FBXL7: variants seen among roughly 807,000 people sequenced by gnomAD.
FBXL7 encodes the protein F-box and leucine rich repeat protein 7.
A neutral mutation model predicts 38.3 loss-of-function variants in FBXL7; 12 were observed. That is an observed-to-expected ratio of 0.31 (90% confidence interval 0.20 to 0.51). The LOEUF (loss-of-function observed/expected upper bound fraction) is 0.51. FBXL7 is among the 20% of genes least tolerant of loss of function. The pLI, the probability that FBXL7 is intolerant of heterozygous loss-of-function variation, is 0.98. For synonymous variants in FBXL7, 297 were observed against 300.9 expected, an observed-to-expected ratio of 0.99 and a Z score of 0.13; for missense variants, 567 against 676.4, an observed-to-expected ratio of 0.84 and a Z score of 1.79.
At chr5:15,856,257 A>C (rs1351905513) in intron 2 of FBXL7, among the ~76,000 whole-genome samples, 1 of 152,092 alleles carries the variant, frequency 6.6e-6, no homozygotes, top group Non-Finnish European at 1.5e-5. Context: ...TATCATGGGG[A>C]AACCGACCCC....
intron 1 of FBXL7, among the ~76,000 whole-genome samples, chr5:15,575,171 T>G (rs1426572498): frequency 6.6e-6 from 1 of 152,178 alleles, no homozygotes; most frequent in Non-Finnish European, 1.5e-5. Context: ...TGGGAGTCCC[T>G]GGATCAGAAA....
At chr5:15,556,520 G>A (rs562433618) in intron 1 of FBXL7, among the ~76,000 whole-genome samples, 7 of 152,146 alleles carry the variant, frequency 4.6e-5, no homozygotes, top group Non-Finnish European at 1.0e-4. Flanking sequence ...TGGGCGTCCC[G>A]TGGTCCAGTC....
chr5:15,929,517 CAG>C (rs992062746), intron 3 of FBXL7, among the ~76,000 whole-genome samples: 2 of 151,170 alleles, frequency 1.3e-5, no homozygotes, highest in African/African-American at 4.9e-5. Flanking sequence ...CTATTCTACT[CAG>C]AGGCTGAGGC....
At chr5:15,594,843 T>C (rs1273812088) in intron 1 of FBXL7, among the ~76,000 whole-genome samples, 1 of 152,242 alleles carries the variant, frequency 6.6e-6, no homozygotes, top group Admixed American at 6.5e-5. Flanking sequence ...AGAAACGCTG[T>C]CTTCTCTCTG....
intron 1 of FBXL7, among the ~76,000 whole-genome samples, chr5:15,558,460 G>C (rs553564745): frequency 6.6e-6 from 1 of 152,316 alleles, no homozygotes; most frequent in Admixed American, 6.5e-5. Flanking sequence ...TGGGCCAAGG[G>C]GAGCCAGCCA....
At chr5:15,721,351 G>A (rs1279223521) in intron 2 of FBXL7, among the ~76,000 whole-genome samples, 1 of 152,036 alleles carries the variant, frequency 6.6e-6, no homozygotes, top group East Asian at 1.9e-4. Context: ...GAAGGACTTG[G>A]TCTCAAGGTT....
intron 2 of FBXL7, among the ~76,000 whole-genome samples, chr5:15,747,030 T>C (rs1323579005): frequency 1.3e-5 from 2 of 152,112 alleles, no homozygotes. Flanking sequence ...TGTTCATGGA[T>C]CATGCTGTTA....
chr5:15,663,438 A>G (rs1017297889), intron 2 of FBXL7, among the ~76,000 whole-genome samples: 1 of 152,158 alleles, frequency 6.6e-6, no homozygotes, highest in Non-Finnish European at 1.5e-5. Flanking sequence ...TTGCCCATTC[A>G]GTATAATGCT....
intron 1 of FBXL7, among the ~76,000 whole-genome samples, chr5:15,581,915 T>C (rs1739154947): frequency 6.6e-6 from 1 of 152,086 alleles, no homozygotes; most frequent in Admixed American, 6.6e-5. Flanking sequence ...GACCATACTC[T>C]TTGAGCTAAA....
rs375118384 is a variant in FBXL7, at chr5:15,500,706, C to T, written c.30C>T (p.Gly10=). 637 of 1,608,746 alleles carry T rather than the reference C, an allele frequency of 4.0e-4. No homozygotes were observed. Among genetic ancestry groups the T allele is most frequent in the Non-Finnish European group, 4.5e-4 (532 of 1,177,276 alleles). The change falls in exon 1 of 4, where the codon GGC becomes GGT. Residue 10 remains glycine, a synonymous_variant. Transcript: ENST00000504595. The part of the protein sequence containing the change: MGANNGKQY[G]SEGKGSSSIS... ...GCGCGAACAATGGCAAACAGTACGG[C>T]AGTGAGGGTGAGTGGGCCGCCCGTC...
intron 2 of FBXL7, among the ~76,000 whole-genome samples, chr5:15,722,930 C>CAAAAAAAACAAAAA (rs377502407): frequency 0.078 from 10,993 of 141,634 alleles, 349 homozygotes; most frequent in South Asian, 0.13. Flanking sequence ...TCAAAAAAAA[C>CAAAAAAAACAAAAA]AAAAAAAAAA....
At chr5:15,778,254 C>T (rs762360971) in intron 2 of FBXL7, among the ~76,000 whole-genome samples, 1 of 152,042 alleles carries the variant, frequency 6.6e-6, no homozygotes, top group Non-Finnish European at 1.5e-5. Flanking sequence ...ATATTTTTCA[C>T]TTTCTTTAAA....
At chr5:15,871,014 G>A (rs949065243) in intron 2 of FBXL7, among the ~76,000 whole-genome samples, 3 of 152,216 alleles carry the variant, frequency 2.0e-5, no homozygotes, top group Admixed American at 2.0e-4. Flanking sequence ...CCTCCTGATG[G>A]GGAGACATCT....
chr5:15,634,512 G>GT, intron 2 of FBXL7, among the ~76,000 whole-genome samples: 1 of 149,686 alleles, frequency 6.7e-6, no homozygotes, highest in South Asian at 2.1e-4. Flanking sequence ...AGTTGGGGGG[G>GT]GGGTTTACCC....
intron 2 of FBXL7, among the ~76,000 whole-genome samples, chr5:15,617,854 T>C (rs1191055218): frequency 8.5e-5 from 13 of 152,246 alleles, no homozygotes; most frequent in Admixed American, 8.5e-4. Context: ...CTATGTTTTC[T>C]ACCGTTGTTT....
At chr5:15,587,817 G>A (rs538614893) in intron 1 of FBXL7, among the ~76,000 whole-genome samples, 1 of 152,182 alleles carries the variant, frequency 6.6e-6, no homozygotes, top group South Asian at 2.1e-4. Flanking sequence ...GATTAAAAAA[G>A]AAAATCTTAA....
intron 2 of FBXL7, among the ~76,000 whole-genome samples, chr5:15,659,974 G>A (rs1353609613): frequency 6.6e-6 from 1 of 152,098 alleles, no homozygotes; most frequent in South Asian, 2.1e-4. Flanking sequence ...TTTTACTTTT[G>A]TAAACCAAAT....
At chr5:15,873,217 G>C (rs1024069540) in intron 2 of FBXL7, among the ~76,000 whole-genome samples, 1 of 152,100 alleles carries the variant, frequency 6.6e-6, no homozygotes, top group Non-Finnish European at 1.5e-5. Context: ...AAACCAATGA[G>C]AACAAAGACA....
rs539492953 is a variant in FBXL7 at position 15,931,641 on chromosome 5, C to T, written c.739+3140C>T. 2.3e-3 allele frequency among the ~76,000 whole-genome samples: 349 copies of T among 152,324 alleles called. 2 individuals are homozygous for T. Among genetic ancestry groups the T allele is most frequent in the African/African-American group, 7.8e-3 (326 of 41,588 alleles). On this transcript the variant is annotated intron_variant, in intron 3 of 3. Transcript: ENST00000504595. Reference sequence around the variant, plus strand: ...AAAATTCAAGTTCCTCCACAGAGCACGTAACAGCCTTCATAAGATGCTCTT... The same window carrying T: ...AAAATTCAAGTTCCTCCACAGAGCATGTAACAGCCTTCATAAGATGCTCTT...
Sources: allele counts gnomAD v4.1 joint callset (sites outside exome capture counted in the v4.1 genomes callset), GRCh38; gene constraint gnomAD v4.1.1; transcripts MANE v1.5; gene names NCBI Gene and HGNC (gene_info 2026-07-23, HGNC 2026-07-21).